HTT: variants seen among roughly 807,000 people sequenced by gnomAD.
The protein encoded by HTT is huntington disease protein.
A neutral mutation model predicts 362.3 loss-of-function variants in HTT; 104 were observed. The observed-to-expected ratio is 0.29, with a 90% CI of 0.24 to 0.34. HTT has a LOEUF of 0.34. HTT is among the 10% of genes least tolerant of loss of function. The pLI, the probability that HTT is intolerant of heterozygous loss-of-function variation, is 1.00. For synonymous variants in HTT, 1,577 were observed against 1,548.7 expected, an observed-to-expected ratio of 1.02 and a Z score of -0.43; for missense variants, 3,301 against 3,928.6, an observed-to-expected ratio of 0.84 and a Z score of 4.27.
At chr4:3,229,551 T>C (rs1721132570) in intron 59 of HTT, among the ~76,000 whole-genome samples, 1 of 143,364 alleles carries the variant, frequency 7.0e-6, no homozygotes, top group South Asian at 2.3e-4. Flanking sequence ...CACACACACA[T>C]GCACCACACA....
chr4:3,166,098 G>A (rs1717689951), intron 29 of HTT, among the ~76,000 whole-genome samples: 1 of 152,176 alleles, frequency 6.6e-6, no homozygotes, highest in African/African-American at 2.4e-5. Flanking sequence ...GGGTTTTGGT[G>A]TGGGTGTCCT....
chr4:3,229,076 CACACACACACA>C, intron 59 of HTT, 67 bp downstream of exon 59: 1 of 1,389,548 alleles, frequency 7.2e-7, no homozygotes, highest in Non-Finnish European at 9.9e-7. Flanking sequence ...CCACACACCC[CACACACACACA>C]CCGCCCACAC....
intron 5 of HTT, among the ~76,000 whole-genome samples, chr4:3,105,735 G>A (rs969607313): frequency 1.6e-4 from 25 of 152,376 alleles, no homozygotes; most frequent in Admixed American, 4.6e-4. Flanking sequence ...AGCGATAACA[G>A]TGTCTGCACA....
Position 3,187,867 on chromosome 4 carries a change from C to T in HTT, c.5206C>T (p.Pro1736Ser), listed in dbSNP as rs768757254. 3 of 1,608,164 alleles carry T rather than the reference C, an allele frequency of 1.9e-6. No individual in the cohort carries two copies. The highest frequency in any genetic ancestry group is 4.5e-5 in the East Asian group (2 of 44,866). Residue 1736 changes from proline (P) to serine (S), a missense_variant, in exon 39 of 67, where the codon CCA becomes TCA. Transcript: ENST00000355072. ...TGAAGGGAAACAAATAAAGAATTTG[C>T]CAGAAGAAACATTTTCAAGGTATGC... ...HSEGKQIKNL[P>S]EETFSRFLLQ... is the part of the protein sequence containing the mutation.
intron 29 of HTT, among the ~76,000 whole-genome samples, chr4:3,162,177 G>T (rs947774454): frequency 6.6e-6 from 1 of 152,264 alleles, no homozygotes. Context: ...TATTAAATAG[G>T]GAATCTTTTC....
intron 35 of HTT, among the ~76,000 whole-genome samples, chr4:3,180,018 G>A (rs373151338): frequency 6.6e-6 from 1 of 152,182 alleles, no homozygotes; most frequent in Non-Finnish European, 1.5e-5. Flanking sequence ...TTTGACTCCT[G>A]TGTTAGACCA....
intron 53 of HTT, among the ~76,000 whole-genome samples, chr4:3,221,006 T>C (rs960849660): frequency 7.9e-5 from 12 of 152,244 alleles, no homozygotes; most frequent in African/African-American, 2.9e-4. Flanking sequence ...TCACCACTTT[T>C]GCCCCTATTT....
In HTT at chr4:3,132,615, G is replaced by C; in HGVS notation, c.2290G>C (p.Val764Leu). 6.2e-7 allele frequency: 1 copy of C among 1,613,926 alleles called. No individual in the cohort carries two copies. The highest frequency in any genetic ancestry group is 8.5e-7 in the Non-Finnish European group (1 of 1,179,842). The change falls in exon 17 of 67, where the codon GTT (valine) becomes CTT (leucine). Residue 764 changes from valine to leucine, a missense_variant. By Grantham distance (32) the Val-to-Leu change is conservative. Transcript: ENST00000355072. ...CTACATCGATCATGGAGACCCACAG[G>C]TTCGAGGAGCCACTGCCATTCTCTG... is the stretch of plus-strand genomic sequence containing the variant. Reference protein sequence around the residue: ...LNYIDHGDPQVRGATAILCGT... With the variant: ...LNYIDHGDPQLRGATAILCGT...
intron 21 of HTT, among the ~76,000 whole-genome samples, chr4:3,137,496 C>A (rs376784515): frequency 6.6e-6 from 1 of 151,938 alleles, no homozygotes; most frequent in African/African-American, 2.4e-5. Context: ...GTCAGGAGTT[C>A]GAGACCAGCC....
chr4:3,144,664 G>C (rs1331089632), intron 23 of HTT, among the ~76,000 whole-genome samples: 5 of 152,224 alleles, frequency 3.3e-5, no homozygotes, highest in Admixed American at 2.0e-4. Context: ...TGTTATAGAA[G>C]ACTAAATATT....
At chr4:3,188,684 TG>T in intron 39 of HTT, 1 of 281,218 alleles carries the variant, frequency 3.6e-6, no homozygotes, top group Non-Finnish European at 6.6e-6. Flanking sequence ...CTGTGACAGA[TG>T]ATCAGCTTGT....
At chr4:3,138,911 C>G (rs1311767735) in intron 21 of HTT, among the ~76,000 whole-genome samples, 1 of 152,162 alleles carries the variant, frequency 6.6e-6, no homozygotes, top group African/African-American at 2.4e-5. Flanking sequence ...CCACACCCGG[C>G]TGATATTTCT....
intron 56 of HTT, among the ~76,000 whole-genome samples, chr4:3,225,345 G>A (rs1457758555): frequency 6.6e-6 from 1 of 152,220 alleles, no homozygotes; most frequent in Non-Finnish European, 1.5e-5. Flanking sequence ...AGCTTTTGCA[G>A]CTCAGCCCAC....
intron 39 of HTT, chr4:3,188,242 G>A: frequency 5.1e-6 from 1 of 196,662 alleles, no homozygotes; most frequent in East Asian, 1.3e-4. Flanking sequence ...GTCTCAGATT[G>A]TCACCATGTG....
chr4:3,235,848 C>A, intron 63 of HTT, 70 bp downstream of exon 63: 1 of 1,210,124 alleles, frequency 8.3e-7, no homozygotes, highest in Non-Finnish European at 1.2e-6. Flanking sequence ...CATGCTCACT[C>A]AAGGGACCTC....
intron 64 of HTT, among the ~76,000 whole-genome samples, chr4:3,237,184 C>T (rs955164788): frequency 4.6e-5 from 7 of 152,036 alleles, no homozygotes; most frequent in Admixed American, 4.6e-4. Context: ...AGTGATTCTC[C>T]TGCCTCAGCC....
chr4:3,124,022 G>A (rs906093255), intron 10 of HTT, among the ~76,000 whole-genome samples: 1 of 152,206 alleles, frequency 6.6e-6, no homozygotes, highest in African/African-American at 2.4e-5. Context: ...ATCTTAACAG[G>A]AATAGCATTC....
At position 3,228,422 on chromosome 4, in the gene HTT, C is replaced by T. The variant is rs1721026062; in HGVS notation, c.7849-193C>T. On this transcript the variant is annotated intron_variant, in intron 57 of 66. Transcript: ENST00000355072. The surrounding 1 kb of genome is among the most constrained non-coding windows in gnomAD (Gnocchi z 4.3). ...TGCCTTTAGCATGTGCTGGAGCTTC[C>T]CAGCAGCTGTCCAGCCCCTGCCCCA... Among the ~76,000 whole-genome samples the T allele has an allele frequency of 6.6e-6, 1 of 152,144 alleles. No homozygotes were observed. The highest frequency in any genetic ancestry group is 1.5e-5 in the Non-Finnish European group (1 of 68,028).
chr4:3,187,429 A>G (rs752427028), intron 38 of HTT, among the ~76,000 whole-genome samples: 1 of 152,224 alleles, frequency 6.6e-6, no homozygotes, highest in Non-Finnish European at 1.5e-5. Flanking sequence ...TGTTGGGATT[A>G]CAGGTGGCTC....
Sources: allele counts gnomAD v4.1 joint callset (sites outside exome capture counted in the v4.1 genomes callset), GRCh38; gene constraint gnomAD v4.1.1; non-coding constraint Gnocchi (gnomAD v3.1); transcripts MANE v1.5; gene names NCBI Gene and HGNC (gene_info 2026-07-23, HGNC 2026-07-21).